Variants in RANBP2 observed in about 807,000 individuals in gnomAD.
The protein encoded by RANBP2 is E3 SUMO-protein ligase RanBP2.
Under a neutral mutation model 303.6 loss-of-function variants are expected in RANBP2, and 57 were observed. That is an observed-to-expected ratio of 0.19 (90% CI 0.15 to 0.23). The LOEUF (loss-of-function observed/expected upper bound fraction) is 0.23. Among genes scored for constraint, RANBP2 ranks in the 10% least tolerant of loss-of-function variants. RANBP2 has a pLI of 1.00. For missense variants in RANBP2, 3,138 were observed against 3,780.8 expected (o/e 0.83, Z 4.46); for synonymous variants, 1,167 against 1,301.5 (o/e 0.90, Z 2.23).
chr2:108,921,690 T>TGAGACCAGGGC, the RANBP2 span, among the ~76,000 whole-genome samples: 1 of 152,162 alleles, frequency 6.6e-6, no homozygotes, highest in African/African-American at 2.4e-5. Context: ...ATCTCTGGAT[T>TGAGACCAGGGC]GAGACCAGGG....
the RANBP2 span, among the ~76,000 whole-genome samples, chr2:108,951,397 C>G: frequency 6.6e-6 from 1 of 152,164 alleles, no homozygotes; most frequent in African/African-American, 2.4e-5. Flanking sequence ...CAAGGTCATA[C>G]AGGAATTCGA....
At chr2:109,656,976 T>C in the RANBP2 span, among the ~76,000 whole-genome samples, 1 of 152,146 alleles carries the variant, frequency 6.6e-6, no homozygotes, top group African/African-American at 2.4e-5. Context: ...AAAAATTAAC[T>C]ATAGAATGGG....
chr2:109,582,237 T>TGGAATCAATATAGTTGGA, the RANBP2 span, among the ~76,000 whole-genome samples: 1 of 152,074 alleles, frequency 6.6e-6, no homozygotes, highest in South Asian at 2.1e-4. Flanking sequence ...AAAATGCTCA[T>TGGAATCAATATAGTTGGA]GGAATCAATA....
intron 7 of RANBP2, among the ~76,000 whole-genome samples, chr2:108,742,208 C>T (rs1433277402): frequency 6.6e-6 from 1 of 151,938 alleles, no homozygotes; most frequent in African/African-American, 2.4e-5. Context: ...GTTGGTCAGG[C>T]TGATCTCGAA....
intron 1 of RANBP2, 85 bp from the exon 2 acceptor site, chr2:108,729,047 A>G: frequency 1.4e-6 from 2 of 1,456,914 alleles, no homozygotes; most frequent in South Asian, 1.2e-5. Context: ...TTGAACATCA[A>G]CTTAGGACAG....
the RANBP2 span, among the ~76,000 whole-genome samples, chr2:109,217,635 T>C: frequency 6.6e-6 from 1 of 152,248 alleles, no homozygotes; most frequent in African/African-American, 2.4e-5. Flanking sequence ...GAGAACAACC[T>C]GCCAGTGATG....
At chr2:108,800,327 C>T in the RANBP2 span, among the ~76,000 whole-genome samples, 1 of 152,102 alleles carries the variant, frequency 6.6e-6, no homozygotes, top group African/African-American at 2.4e-5. Context: ...TACAGTGGCA[C>T]GATCTCGGCT....
chr2:109,405,933 G>C, the RANBP2 span, among the ~76,000 whole-genome samples: 4 of 152,244 alleles, frequency 2.6e-5, no homozygotes, highest in African/African-American at 4.8e-5. Context: ...TTCCTCACTG[G>C]ATGGTCTTGT....
the RANBP2 span, among the ~76,000 whole-genome samples, chr2:108,814,575 G>A: frequency 6.6e-6 from 1 of 151,510 alleles, no homozygotes; most frequent in African/African-American, 2.4e-5. Flanking sequence ...TGTGTGGATT[G>A]CCATCGGCTT....
chr2:108,726,070 T>A (rs1336436516), intron 1 of RANBP2, among the ~76,000 whole-genome samples: 1 of 152,180 alleles, frequency 6.6e-6, no homozygotes, highest in Non-Finnish European at 1.5e-5. Context: ...TGGTTTTACT[T>A]AGCTGTGTCA....
chr2:109,105,137 A>G, the RANBP2 span, among the ~76,000 whole-genome samples: 2 of 152,234 alleles, frequency 1.3e-5, no homozygotes, highest in South Asian at 2.1e-4. Context: ...CACTCTCCCA[A>G]TGGATAGAAA....
chr2:108,805,645 T>C, the RANBP2 span, among the ~76,000 whole-genome samples: 1 of 151,804 alleles, frequency 6.6e-6, no homozygotes, highest in South Asian at 2.1e-4. Flanking sequence ...GAGAATGTCG[T>C]GAACCCAGGA....
intron 25 of RANBP2, 143 bp from the exon 26 acceptor site, chr2:108,781,126 T>A (rs1678226366): frequency 2.4e-5 from 23 of 961,122 alleles, no homozygotes; most frequent in Non-Finnish European, 2.8e-5. Flanking sequence ...CGTGAGGAAT[T>A]TACTAGAATA....
chr2:109,134,101 T>C, the RANBP2 span, among the ~76,000 whole-genome samples: 1 of 152,238 alleles, frequency 6.6e-6, no homozygotes, highest in African/African-American at 2.4e-5. Flanking sequence ...GAGTGCCTGC[T>C]GCATGCTGGG....
chr2:108,876,085 C>G, the RANBP2 span: 1 of 1,560,070 alleles, frequency 6.4e-7, no homozygotes, highest in Non-Finnish European at 8.8e-7. Context: ...ATTTTTTTTA[C>G]AGGAGTAATA....
the RANBP2 span, among the ~76,000 whole-genome samples, chr2:108,836,200 A>G: frequency 6.6e-6 from 1 of 152,080 alleles, no homozygotes; most frequent in Non-Finnish European, 1.5e-5. Context: ...CCACCATTCA[A>G]TTTTCTGCTT....
the RANBP2 span, among the ~76,000 whole-genome samples, chr2:109,667,582 G>A: frequency 2.0e-5 from 3 of 152,088 alleles, no homozygotes; most frequent in African/African-American, 4.8e-5. Context: ...GTGGTTTTGC[G>A]GTAAAGGTAA....
the RANBP2 span, among the ~76,000 whole-genome samples, chr2:109,336,490 C>T: frequency 6.6e-6 from 1 of 152,190 alleles, no homozygotes; most frequent in Admixed American, 6.5e-5. Flanking sequence ...CCACGGCTAG[C>T]ACGTGCTGAG....
chr2:109,733,111 G>A, the RANBP2 span: 22 of 537,846 alleles, frequency 4.1e-5, no homozygotes, highest in South Asian at 8.4e-5. Context: ...GAGAGAGATC[G>A]CTGTCTCGGG....
Sources: allele counts gnomAD v4.1 joint callset (sites outside exome capture counted in the v4.1 genomes callset), GRCh38; gene constraint gnomAD v4.1.1; transcripts MANE v1.5; gene names NCBI Gene and HGNC (gene_info 2026-07-23, HGNC 2026-07-21).